The following FAM184B variants were observed in gnomAD, a reference collection of about 807,000 sequenced individuals.
The protein encoded by FAM184B is protein FAM184B.
FAM184B carries 111 observed loss-of-function variants against 135.9 expected under a neutral mutation model. The observed-to-expected ratio is 0.82, with a 90% CI of 0.70 to 0.96. The LOEUF (loss-of-function observed/expected upper bound fraction) is 0.96. Ranked by LOEUF, FAM184B falls within the 40% of genes least tolerant of loss-of-function variation. FAM184B has a pLI of 0.00. For missense variants in FAM184B, 1,375 were observed against 1,323.9 expected, an observed-to-expected ratio of 1.04 and a Z score of -0.60; for synonymous variants, 552 against 524.8, an observed-to-expected ratio of 1.05 and a Z score of -0.71.
intron 1 of FAM184B, among the ~76,000 whole-genome samples, chr4:17,725,229 C>T (rs1306483560): frequency 6.6e-6 from 1 of 151,996 alleles, no homozygotes; most frequent in Non-Finnish European, 1.5e-5. Context: ...AACCATGGTC[C>T]AGGATTTAAC....
chr4:17,664,462 G>A, intron 8 of FAM184B, 100 bp downstream of exon 8: 1 of 929,206 alleles, frequency 1.1e-6, no homozygotes, highest in Non-Finnish European at 1.6e-6. Flanking sequence ...GCAAGGAGCA[G>A]TGATAAATAC....
chr4:17,660,509 T>C, intron 8 of FAM184B, among the ~76,000 whole-genome samples: 1 of 152,130 alleles, frequency 6.6e-6, no homozygotes, highest in South Asian at 2.1e-4. Context: ...CACTTCACTT[T>C]AATACAGTGT....
Position 17,733,567 on chromosome 4 carries a change from C to A in FAM184B, c.142-23923G>T, listed in dbSNP as rs1380173943. Reference sequence around the variant, plus strand: ...GACAGAGAGCCAAATCATGAGTGAACTCCCATTCACAATTGCTTCAAAGAG... The same window carrying A: ...GACAGAGAGCCAAATCATGAGTGAAATCCCATTCACAATTGCTTCAAAGAG... On this transcript the variant is annotated intron_variant, in intron 1 of 17. Transcript: ENST00000265018. 2.6e-5 allele frequency among the ~76,000 whole-genome samples: 4 copies of A among 152,288 alleles called. No individual in the cohort carries two copies. In the South Asian group the frequency reaches 6.2e-4, roughly 24 times the overall value.
intron 1 of FAM184B, among the ~76,000 whole-genome samples, chr4:17,756,441 T>C (rs766205095): frequency 2.6e-5 from 4 of 152,166 alleles, no homozygotes; most frequent in Non-Finnish European, 5.9e-5. Flanking sequence ...TACAATGATA[T>C]CCTCCTCTAA....
intron 1 of FAM184B, among the ~76,000 whole-genome samples, chr4:17,712,146 A>G (rs757237628): frequency 6.6e-5 from 10 of 152,166 alleles, no homozygotes; most frequent in Non-Finnish European, 1.2e-4. Context: ...TTGGAGTTTT[A>G]TTTGGTGGGT....
At chr4:17,752,406 G>T (rs911591831) in intron 1 of FAM184B, among the ~76,000 whole-genome samples, 9 of 151,974 alleles carry the variant, frequency 5.9e-5, no homozygotes, top group Non-Finnish European at 1.2e-4. Flanking sequence ...AGAATGAATG[G>T]TTGGGTGGGT....
At chr4:17,700,932 A>C (rs1716970012) in intron 5 of FAM184B, among the ~76,000 whole-genome samples, 1 of 152,212 alleles carries the variant, frequency 6.6e-6, no homozygotes, top group Admixed American at 6.5e-5. Flanking sequence ...AAAAAATCTG[A>C]GATTTTGGTG....
At chr4:17,684,338 A>C (rs1419881449) in intron 7 of FAM184B, among the ~76,000 whole-genome samples, 2 of 151,864 alleles carry the variant, frequency 1.3e-5, no homozygotes, top group Non-Finnish European at 2.9e-5. Flanking sequence ...AGAAAATAAA[A>C]CACAACAAGT....
In FAM184B at chr4:17,720,968, T is replaced by A. The variant is rs181521220; in HGVS notation, c.142-11324A>T. 2.0e-5 allele frequency among the ~76,000 whole-genome samples: 3 copies of A among 151,982 alleles called. No homozygotes were observed. In the East Asian group the frequency reaches 5.8e-4, roughly 29 times the overall value. The stretch of plus-strand genomic sequence containing the variant: ...ATTTCATATGATCCAGTAATTCCAT[T>A]TGCTTATCTTTCTCTCTAAAATATA... On this transcript the variant is annotated intron_variant, in intron 1 of 17. Transcript: ENST00000265018.
rs7655264 is a variant in FAM184B at position 17,639,288 on chromosome 4, C to T, written c.2628G>A (p.Gln876=). The change falls in exon 14 of 18, where the codon CAG becomes CAA. Residue 876 remains glutamine (Q), a synonymous_variant. Coordinates refer to ENST00000265018, the MANE Select transcript of FAM184B (RefSeq NM_015688.2). ...QAMVADFSSA[Q]AQLQARLAAL... The stretch of plus-strand genomic sequence containing the variant: ...CAGCCAGCCGGGCCTGGAGCTGGGC[C>T]TGGGCACTACTGAAATCTGCCACCA... The T allele has an allele frequency of 0.012, 19,191 of 1,551,656 alleles. 2,027 individuals are homozygous for T. The African/African-American group carries it at 0.23, about 19-fold the overall frequency.
chr4:17,711,712 A>G (rs1717275728), intron 1 of FAM184B, among the ~76,000 whole-genome samples: 1 of 152,104 alleles, frequency 6.6e-6, no homozygotes. Context: ...AATAGATAAT[A>G]AAGGGCCAAA....
intron 7 of FAM184B, among the ~76,000 whole-genome samples, chr4:17,688,164 C>A (rs995909455): frequency 9.2e-5 from 14 of 152,152 alleles, no homozygotes; most frequent in African/African-American, 3.4e-4. Flanking sequence ...AGGCAGGCTG[C>A]TCTCAGAGAG....
At chr4:17,646,495 C>A (rs1715470621) in intron 12 of FAM184B, among the ~76,000 whole-genome samples, 1 of 152,098 alleles carries the variant, frequency 6.6e-6, no homozygotes, top group South Asian at 2.1e-4. Flanking sequence ...AAACCAAACA[C>A]CACATGTTCT....
chr4:17,740,478 C>A (rs1462298673), intron 1 of FAM184B, among the ~76,000 whole-genome samples: 1 of 151,394 alleles, frequency 6.6e-6, no homozygotes, highest in East Asian at 1.9e-4. Context: ...TGTAGATATT[C>A]GTAATTCAGG....
At chr4:17,652,797 C>G (rs1445886436) in intron 11 of FAM184B, 33 bp downstream of exon 11, 1 of 1,529,732 alleles carries the variant, frequency 6.5e-7, no homozygotes, top group East Asian at 2.5e-5. Context: ...TGCAGTTGGC[C>G]AGGCCCTCCT....
At chr4:17,681,580 T>A (rs1346784033) in intron 7 of FAM184B, among the ~76,000 whole-genome samples, 1 of 152,228 alleles carries the variant, frequency 6.6e-6, no homozygotes, top group Non-Finnish European at 1.5e-5. Flanking sequence ...AGCCTAGTGG[T>A]TATCTGCCTG....
intron 16 of FAM184B, chr4:17,634,092 C>CCT: frequency 2.5e-6 from 1 of 404,504 alleles, no homozygotes; most frequent in Non-Finnish European, 4.2e-6. Context: ...ATGTTCACAA[C>CCT]CTCTTAACCA....
At chr4:17,745,659 C>A (rs1335242415) in intron 1 of FAM184B, among the ~76,000 whole-genome samples, 2 of 152,180 alleles carry the variant, frequency 1.3e-5, no homozygotes, top group East Asian at 1.9e-4. Context: ...TCCCTCATTA[C>A]CTTTCACAGA....
intron 1 of FAM184B, among the ~76,000 whole-genome samples, chr4:17,748,325 G>A (rs749696628): frequency 4.6e-5 from 7 of 151,606 alleles, no homozygotes; most frequent in Non-Finnish European, 8.8e-5. Context: ...CACCTGCCTC[G>A]AAAAGCTAAA....
Sources: gnomAD v4.1 joint callset for allele counts (sites outside exome capture counted in the v4.1 genomes callset) on GRCh38, gnomAD v4.1.1 for gene constraint, MANE v1.5 for transcripts, NCBI Gene and HGNC (gene_info 2026-07-23, HGNC 2026-07-21) for gene names.